The following CPLANE1 variants were observed in gnomAD, a reference collection of about 807,000 sequenced individuals.
The protein encoded by CPLANE1 is ciliogenesis and planar polarity effector complex subunit 1.
In CPLANE1, 263 loss-of-function variants were observed where a neutral mutation model predicts 362.5. That is an observed-to-expected ratio of 0.73 (90% CI 0.66 to 0.80). CPLANE1 has a LOEUF of 0.80. Ranked by LOEUF, CPLANE1 falls within the 30% of genes least tolerant of loss-of-function variation. The pLI is 0.00. For synonymous variants in CPLANE1, 1,212 were observed against 1,302.6 expected, an observed-to-expected ratio of 0.93 and a Z score of 1.50; for missense variants, 3,461 against 3,793.4, an observed-to-expected ratio of 0.91 and a Z score of 2.30.
intron 15 of CPLANE1, among the ~76,000 whole-genome samples, chr5:37,219,077 T>C (rs1006493812): frequency 2.6e-5 from 4 of 151,820 alleles, no homozygotes; most frequent in Non-Finnish European, 5.9e-5. Context: ...TAAAAAGTCA[T>C]ATACAGAAGT....
chr5:37,244,680 T>A, intron 4 of CPLANE1, 73 bp from the exon 5 acceptor site: 1 of 846,474 alleles, frequency 1.2e-6, no homozygotes, highest in Non-Finnish European at 1.8e-6. Flanking sequence ...ATAATTTATG[T>A]ATTCTTACAA....
chr5:37,142,794 T>C (rs528386664), intron 43 of CPLANE1, among the ~76,000 whole-genome samples: 1 of 152,162 alleles, frequency 6.6e-6, no homozygotes, highest in East Asian at 1.9e-4. Context: ...AGAAATCCCA[T>C]GGTGCCAGAA....
At chr5:37,227,466 C>A (rs914206332) in intron 10 of CPLANE1, 74 bp from the exon 11 acceptor site, 3 of 1,475,796 alleles carry the variant, frequency 2.0e-6, no homozygotes, top group Admixed American at 2.7e-5. Context: ...ATTAAAAATT[C>A]TATAGACAAC....
chr5:37,113,589 A>G (rs1012235290), intron 51 of CPLANE1, among the ~76,000 whole-genome samples: 2 of 152,184 alleles, frequency 1.3e-5, no homozygotes, highest in East Asian at 3.9e-4. Flanking sequence ...AAGAGTAGAA[A>G]AAGTACCCAA....
At chr5:37,122,806 G>A (rs1197321941) in intron 47 of CPLANE1, among the ~76,000 whole-genome samples, 2 of 152,072 alleles carry the variant, frequency 1.3e-5, no homozygotes, top group African/African-American at 2.4e-5. Context: ...TCAGCTACCT[G>A]GGAGGCGGAG....
chr5:37,204,235 A>G (rs1200853285), intron 18 of CPLANE1, among the ~76,000 whole-genome samples: 2 of 152,240 alleles, frequency 1.3e-5, no homozygotes, highest in Non-Finnish European at 2.9e-5. Context: ...CAAGCATTAT[A>G]GGTTCTCTCA....
the CPLANE1 span, among the ~76,000 whole-genome samples, chr5:37,078,430 GTATTT>G: frequency 4.6e-5 from 7 of 152,184 alleles, no homozygotes; most frequent in South Asian, 2.1e-4. Flanking sequence ...TATGTGTACA[GTATTT>G]TATTTGTCCA....
chr5:37,091,516 T>C, the CPLANE1 span, among the ~76,000 whole-genome samples: 1 of 152,110 alleles, frequency 6.6e-6, no homozygotes, highest in Non-Finnish European at 1.5e-5. Flanking sequence ...CTTAAAAATA[T>C]GCCCAGAAAA....
In CPLANE1 at chr5:37,198,848, G is replaced by T; in HGVS notation, c.3526C>A (p.Leu1176Ile). 6.2e-7 allele frequency: 1 copy of T among 1,613,820 alleles called. No homozygotes were observed. The highest frequency in any genetic ancestry group is 1.1e-5 in the South Asian group (1 of 91,062). The stretch of plus-strand genomic sequence containing the variant: ...CGATTATTTTTTTCAGCTTTTAAAA[G>T]AAGATCATCACCATCTTCCTGAGGA... The part of the protein sequence containing the change: ...ILSEEDGDDL[L>I]LKAEKNNRQK... Residue 1176 changes from leucine (L) to isoleucine (I), a missense_variant, in exon 20 of 53, where the codon CTT becomes ATT. Coordinates refer to ENST00000651892, the MANE Select transcript of CPLANE1 (RefSeq NM_001384732.1).
At chr5:37,160,885 A>T (rs1240243181) in intron 38 of CPLANE1, among the ~76,000 whole-genome samples, 1 of 151,996 alleles carries the variant, frequency 6.6e-6, no homozygotes, top group Non-Finnish European at 1.5e-5. Flanking sequence ...GTTAGCCAGG[A>T]TGGTCTCGAT....
At chr5:37,143,167 C>G (rs1770328156) in intron 43 of CPLANE1, among the ~76,000 whole-genome samples, 1 of 152,200 alleles carries the variant, frequency 6.6e-6, no homozygotes, top group Admixed American at 6.5e-5. Context: ...TCAATTTTTT[C>G]CTACTTCAAC....
intron 22 of CPLANE1, 35 bp from the exon 23 acceptor site, chr5:37,187,607 T>C (rs1225192261): frequency 6.3e-7 from 1 of 1,586,574 alleles, no homozygotes; most frequent in Non-Finnish European, 8.6e-7. Context: ...ATTTCCTTTT[T>C]AGTTTAGATG....
intron 23 of CPLANE1, among the ~76,000 whole-genome samples, chr5:37,186,952 T>G (rs1462720717): frequency 6.7e-6 from 1 of 150,062 alleles, no homozygotes; most frequent in Non-Finnish European, 1.5e-5. Flanking sequence ...TCCCAGCTGC[T>G]CGGAAGGCTG....
intron 51 of CPLANE1, among the ~76,000 whole-genome samples, chr5:37,111,315 G>A (rs1400732851): frequency 6.0e-5 from 9 of 150,296 alleles, no homozygotes; most frequent in South Asian, 2.1e-4. Flanking sequence ...TAGTAGAGAC[G>A]GGGTTTCACG....
chr5:37,138,298 T>G (rs535365630), intron 46 of CPLANE1, among the ~76,000 whole-genome samples: 1 of 152,342 alleles, frequency 6.6e-6, no homozygotes, highest in East Asian at 1.9e-4. Flanking sequence ...GTCCCTTTCT[T>G]TGTCCTTTTT....
intron 46 of CPLANE1, among the ~76,000 whole-genome samples, chr5:37,127,182 G>A (rs1409014489): frequency 6.6e-6 from 1 of 152,134 alleles, no homozygotes; most frequent in Non-Finnish European, 1.5e-5. Flanking sequence ...TGTACCTTTT[G>A]CCTCCTGTTA....
intron 8 of CPLANE1, among the ~76,000 whole-genome samples, chr5:37,235,731 C>A (rs1798832399): frequency 6.6e-6 from 1 of 151,892 alleles, no homozygotes; most frequent in Admixed American, 6.6e-5. Context: ...CACCATCACA[C>A]CAGCTAATTT....
chr5:37,094,497 T>C, the CPLANE1 span, among the ~76,000 whole-genome samples: 4 of 152,064 alleles, frequency 2.6e-5, no homozygotes, highest in Non-Finnish European at 5.9e-5. Context: ...AGAGCACAGA[T>C]AGACAATCTA....
At chr5:37,180,709 A>T in intron 27 of CPLANE1, 148 bp downstream of exon 27, 1 of 640,264 alleles carries the variant, frequency 1.6e-6, no homozygotes, top group Non-Finnish European at 2.6e-6. Flanking sequence ...ATGAATTGTT[A>T]AAGCACCTCA....
Sources: allele counts gnomAD v4.1 joint callset (sites outside exome capture counted in the v4.1 genomes callset), GRCh38; gene constraint gnomAD v4.1.1; transcripts MANE v1.5; gene names NCBI Gene and HGNC (gene_info 2026-07-23, HGNC 2026-07-21).